The following TUT4 variants were observed in gnomAD, a reference collection of about 807,000 sequenced individuals.
TUT4 encodes terminal uridylyl transferase 4, also known as terminal uridylyltransferase 4.
Under a neutral mutation model 192.2 loss-of-function variants are expected in TUT4, and 36 were observed. That is an observed-to-expected ratio of 0.19 (90% CI 0.14 to 0.25). TUT4 has a LOEUF of 0.25. Among genes scored for constraint, TUT4 ranks in the 10% least tolerant of loss-of-function variants. The pLI is 1.00. For synonymous variants in TUT4, 618 were observed against 666.0 expected (o/e 0.93, Z 1.11); for missense variants, 1,493 against 1,957.2 (o/e 0.76, Z 4.47).
intron 20 of TUT4, among the ~76,000 whole-genome samples, chr1:52,449,380 C>T (rs937365964): frequency 1.3e-5 from 2 of 152,210 alleles, no homozygotes; most frequent in African/African-American, 2.4e-5. Context: ...CTCACTGCAA[C>T]CTCCACCTCG....
intron 1 of TUT4, among the ~76,000 whole-genome samples, chr1:52,546,465 T>C (rs1293499736): frequency 6.6e-6 from 1 of 152,196 alleles, no homozygotes; most frequent in African/African-American, 2.4e-5. Flanking sequence ...TGATTCAATT[T>C]ATATGAGGTA....
intron 29 of TUT4, 184 bp downstream of exon 29, chr1:52,425,165 G>A (rs1557607914): frequency 1.8e-6 from 1 of 569,466 alleles, no homozygotes; most frequent in Non-Finnish European, 2.9e-6. Flanking sequence ...CTAATAAAGT[G>A]TGCATCAAGT....
chr1:52,450,165 C>T (rs1449594382), intron 20 of TUT4, among the ~76,000 whole-genome samples: 1 of 152,136 alleles, frequency 6.6e-6, no homozygotes, highest in Admixed American at 6.5e-5. Context: ...CTTAGTAATA[C>T]CCAGCCATAT....
Position 52,475,276 on chromosome 1 carries a change from C to T in TUT4, c.2283G>A (p.Glu761=). The T allele has an allele frequency of 1.2e-6, 2 of 1,613,776 alleles. No individual in the cohort carries two copies. Among genetic ancestry groups the T allele is most frequent in the South Asian group, 2.2e-5 (2 of 91,068 alleles). The change falls in exon 13 of 30, where the codon GAG becomes GAA. Residue 761 remains glutamate, a synonymous_variant. Transcript: ENST00000257177. The part of the protein sequence containing the change: ...ETTEKINAER[E]QPVQCDEMDC... ...CCATTTCATCACATTGAACAGGTTG[C>T]TCTCTTTCTGCATTTATTTTTTCTG...
intron 28 of TUT4, among the ~76,000 whole-genome samples, chr1:52,426,305 T>C (rs1217986556): frequency 6.6e-6 from 1 of 152,196 alleles, no homozygotes; most frequent in African/African-American, 2.4e-5. Flanking sequence ...AGAGCTAGCA[T>C]ATAGGTAGGT....
intron 9 of TUT4, among the ~76,000 whole-genome samples, chr1:52,485,880 T>A (rs1263553652): frequency 2.0e-5 from 3 of 152,086 alleles, no homozygotes; most frequent in Non-Finnish European, 2.9e-5. Flanking sequence ...TTGGATTCAT[T>A]TTTAAATCAT....
Position 52,498,905 on chromosome 1 carries a change from TATATATATATATATATATATATATATA to T in TUT4, c.1000-1749_1000-1723del, listed in dbSNP as rs1673272424. The stretch of plus-strand genomic sequence containing the variant: ...CCATTACAAAAAAAAAAAAAAATTA[TATATATATATATATATATATATATATA>T]TATATATATATATATATATATATAT... On this transcript the variant is annotated intron_variant, in intron 4 of 29. Coordinates refer to ENST00000257177, the MANE Select transcript of TUT4 (RefSeq NM_001009881.3). 5.0e-3 allele frequency among the ~76,000 whole-genome samples: 10 copies of T among 2,014 alleles called. No homozygotes were observed. In the South Asian group the frequency reaches 0.13, roughly 26 times the overall value. 1.3% of individuals were successfully genotyped at this position (2,014 alleles called of 152,430 possible). A position where few individuals can be genotyped will look rare whatever the true frequency, so the allele number is the denominator to read the frequency against.
In TUT4 at chr1:52,466,713, C is replaced by T. The variant is rs932534579; in HGVS notation, c.2965+1468G>A. Among the ~76,000 whole-genome samples the T allele has an allele frequency of 2.7e-5, 4 of 149,094 alleles. No homozygotes were observed. The East Asian group carries it at 7.8e-4, about 29-fold the overall frequency. On this transcript the variant is annotated intron_variant, in intron 15 of 29. Coordinates refer to ENST00000257177, the MANE Select transcript of TUT4 (RefSeq NM_001009881.3). Reference sequence around the variant, plus strand: ...GAGACAGAGTTTCGCTCTTGTCGCCCAGGCTGGAGTGCAAAGGCATGACCT... The same window carrying T: ...GAGACAGAGTTTCGCTCTTGTCGCCTAGGCTGGAGTGCAAAGGCATGACCT...
At chr1:52,546,677 T>A (rs769496648) in intron 1 of TUT4, among the ~76,000 whole-genome samples, 2 of 152,232 alleles carry the variant, frequency 1.3e-5, no homozygotes, top group East Asian at 1.9e-4. Flanking sequence ...ATCATTAAGA[T>A]GATATGTTGT....
intron 4 of TUT4, among the ~76,000 whole-genome samples, chr1:52,507,643 G>A (rs576402738): frequency 1.3e-5 from 2 of 152,206 alleles, no homozygotes; most frequent in South Asian, 4.1e-4. Flanking sequence ...AATCCAAAAT[G>A]TGAAATGCTC....
At chr1:52,521,726 G>T (rs1680335233) in intron 2 of TUT4, among the ~76,000 whole-genome samples, 1 of 151,950 alleles carries the variant, frequency 6.6e-6, no homozygotes, top group South Asian at 2.1e-4. Flanking sequence ...AGCACTTTGG[G>T]AGGCCAAGGT....
intron 1 of TUT4, among the ~76,000 whole-genome samples, chr1:52,532,687 T>C (rs897753170): frequency 1.3e-5 from 2 of 152,104 alleles, no homozygotes; most frequent in Non-Finnish European, 2.9e-5. Context: ...AAAACATACA[T>C]AACTGTGCAA....
chr1:52,446,282 T>C lies in TUT4; in HGVS notation c.3674A>G (p.Lys1225Arg). The change falls in exon 22 of 30, where the codon AAG becomes AGG. Residue 1225 changes from lysine to arginine, a missense_variant. Physicochemically the swap from Lys to Arg is conservative, Grantham distance 26 (BLOSUM62 2). Coordinates refer to ENST00000257177, the MANE Select transcript of TUT4 (RefSeq NM_001009881.3). ...AATGTTACCTTCAATTGCAATGCAC[T>C]TGGAAGTCCACTGCTTCTCAAAAGT... ...LTTFEKQWTS[K>R]CIAIEDPFDL... 6.2e-6 allele frequency: 10 copies of C among 1,610,508 alleles called. No homozygotes were observed. Among genetic ancestry groups the C allele is most frequent in the Non-Finnish European group, 8.5e-6 (10 of 1,178,894 alleles).
In TUT4 at chr1:52,464,933, T is replaced by C. The variant is rs145320377; in HGVS notation, c.3069+137A>G. 2.8e-3 allele frequency: 1,617 copies of C among 574,096 alleles called. 32 individuals carry two copies. The South Asian group carries it at 0.042, about 15-fold the overall frequency. The allele number at this position is 574,096 out of a possible 1,614,324, so 35.6% of individuals were successfully genotyped here. ...TAAACTGAAAATGCTACTGTTTTCA[T>C]ATTTCAAACACTTATTTTGCTAATA... On this transcript the variant is annotated intron_variant, in intron 16 of 29. Coordinates refer to ENST00000257177, the MANE Select transcript of TUT4 (RefSeq NM_001009881.3).
chr1:52,435,578 A>G, intron 26 of TUT4, 113 bp from the exon 27 acceptor site: 1 of 804,242 alleles, frequency 1.2e-6, no homozygotes. Context: ...GCAATTTTAT[A>G]AACTTGGACT....
At chr1:52,451,826 G>C (rs1228785061) in intron 20 of TUT4, among the ~76,000 whole-genome samples, 1 of 148,122 alleles carries the variant, frequency 6.8e-6, no homozygotes, top group Non-Finnish European at 1.5e-5. Flanking sequence ...CTGGGCAACA[G>C]AGTGAGATTC....
intron 25 of TUT4, 88 bp from the exon 26 acceptor site, chr1:52,437,066 T>G: frequency 6.7e-7 from 1 of 1,495,260 alleles, no homozygotes; most frequent in Non-Finnish European, 8.9e-7. Context: ...ACAAAAGGAC[T>G]AACATGCCCA....
chr1:52,488,782 G>A, intron 9 of TUT4, 127 bp downstream of exon 9: 1 of 1,073,994 alleles, frequency 9.3e-7, no homozygotes, highest in Non-Finnish European at 1.2e-6. Context: ...GTCTAGCACA[G>A]AAAACTACTT....
intron 25 of TUT4, chr1:52,437,233 ATATT>A: frequency 2.9e-6 from 1 of 344,794 alleles, no homozygotes; most frequent in Non-Finnish European, 5.1e-6. Flanking sequence ...TTAGAGGTTG[ATATT>A]TATTATCTCC....
Sources: allele counts gnomAD v4.1 joint callset (sites outside exome capture counted in the v4.1 genomes callset), GRCh38; gene constraint gnomAD v4.1.1; transcripts MANE v1.5; gene names NCBI Gene and HGNC (gene_info 2026-07-23, HGNC 2026-07-21).